The following MCTP2 variants were observed in gnomAD, a reference collection of about 807,000 sequenced individuals.
The protein encoded by MCTP2 is multiple C2 and transmembrane domain containing 2, also known as multiple C2 and transmembrane domain-containing protein 2.
In MCTP2, 132 loss-of-function variants were observed where a neutral mutation model predicts 111.6. The ratio of observed to expected loss-of-function variants is 1.18; its 90% confidence interval spans 1.03 to 1.37. The LOEUF is 1.37. Among genes scored for constraint, MCTP2 ranks in the 40% most tolerant of loss-of-function variants. The pLI, the probability that MCTP2 is intolerant of heterozygous loss-of-function variation, is 0.00. For synonymous variants in MCTP2, 395 were observed against 387.7 expected, an observed-to-expected ratio of 1.02 and a Z score of -0.22; for missense variants, 1,183 against 1,067.9, an observed-to-expected ratio of 1.11 and a Z score of -1.50.
intron 20 of MCTP2, among the ~76,000 whole-genome samples, chr15:94,459,182 GATTA>G (rs1454868824): frequency 6.6e-6 from 1 of 152,006 alleles, no homozygotes; most frequent in African/African-American, 2.4e-5. Flanking sequence ...TCTTTCTAAG[GATTA>G]ATTCTTACTT....
At chr15:94,231,857 G>C (rs1046242667) in intron 1 of MCTP2, 193 bp downstream of exon 1, 3 of 152,550 alleles carry the variant, frequency 2.0e-5, no homozygotes, top group Non-Finnish European at 4.4e-5. Context: ...GAGGACTGGA[G>C]GCAGAAATCC....
chr15:94,241,049 G>A (rs1006169506), intron 1 of MCTP2, among the ~76,000 whole-genome samples: 6 of 152,064 alleles, frequency 3.9e-5, no homozygotes, highest in Non-Finnish European at 7.4e-5. Flanking sequence ...TGGATGTTTT[G>A]GTTATCGTGG....
chr15:94,329,683 C>A (rs780605893), intron 4 of MCTP2, among the ~76,000 whole-genome samples: 2 of 152,140 alleles, frequency 1.3e-5, no homozygotes, highest in Non-Finnish European at 2.9e-5. Context: ...CCACCTCCAA[C>A]ATTAGGGATT....
At chr15:94,440,375 A>G (rs2152510115) in intron 18 of MCTP2, 77 bp downstream of exon 18, 1 of 1,573,308 alleles carries the variant, frequency 6.4e-7, no homozygotes, top group Non-Finnish European at 8.7e-7. Context: ...CCACCAAATC[A>G]TGGCCCAAGT....
intron 11 of MCTP2, among the ~76,000 whole-genome samples, chr15:94,368,791 C>T (rs1240311598): frequency 6.6e-6 from 1 of 152,106 alleles, no homozygotes; most frequent in African/African-American, 2.4e-5. Flanking sequence ...GATAAGTTGA[C>T]AAATTTACCA....
rs527434097 is a variant in MCTP2, at chr15:94,328,006, G to A, written c.638-11284G>A. Among the ~76,000 whole-genome samples the A allele has an allele frequency of 5.9e-5, 9 of 152,220 alleles. No individual in the cohort carries two copies. In the South Asian group the frequency reaches 6.2e-4, roughly 11 times the overall value. ...TTGGGATGTTTTCTATTCCTGCTGC[G>A]TGTAAGAAAATTGCCTTACACCCAA... On this transcript the variant is annotated intron_variant, in intron 4 of 22. Coordinates refer to ENST00000357742, the MANE Select transcript of MCTP2 (RefSeq NM_001385001.1).
intron 21 of MCTP2, among the ~76,000 whole-genome samples, chr15:94,473,098 AG>A (rs1399808343): frequency 1.3e-5 from 2 of 152,078 alleles, no homozygotes; most frequent in Non-Finnish European, 2.9e-5. Context: ...TATATATACT[AG>A]ATTTCCATAT....
chr15:94,404,119 C>T (rs2081766078), intron 17 of MCTP2, among the ~76,000 whole-genome samples: 1 of 152,072 alleles, frequency 6.6e-6, no homozygotes, highest in Non-Finnish European at 1.5e-5. Context: ...AATACCGCAG[C>T]CATAACGTGG....
chr15:94,315,439 T>C (rs745465469), intron 3 of MCTP2, 90 bp from the exon 4 acceptor site: 71 of 920,334 alleles, frequency 7.7e-5, no homozygotes, highest in Non-Finnish European at 1.1e-4. Flanking sequence ...GTGGCCTTTC[T>C]TTTTTCCCTC....
At chr15:94,274,605 TAAA>T (rs1001566544) in intron 1 of MCTP2, among the ~76,000 whole-genome samples, 1 of 152,060 alleles carries the variant, frequency 6.6e-6, no homozygotes, top group Non-Finnish European at 1.5e-5. Flanking sequence ...TCCAATAAGC[TAAA>T]TACTTTAACA....
chr15:94,427,674 A>C (rs561465780), intron 17 of MCTP2, among the ~76,000 whole-genome samples: 1 of 152,308 alleles, frequency 6.6e-6, no homozygotes, highest in East Asian at 1.9e-4. Flanking sequence ...CACAGAGCCA[A>C]ACCATATCAA....
At chr15:94,290,055 A>G (rs956631446) in intron 1 of MCTP2, among the ~76,000 whole-genome samples, 3 of 152,106 alleles carry the variant, frequency 2.0e-5, no homozygotes, top group Admixed American at 1.3e-4. Context: ...TCCTTAGCTG[A>G]CTGATCAGCT....
At chr15:94,268,615 A>G (rs2073732948) in intron 1 of MCTP2, among the ~76,000 whole-genome samples, 1 of 152,076 alleles carries the variant, frequency 6.6e-6, no homozygotes, top group South Asian at 2.1e-4. Flanking sequence ...TTAACACCTC[A>G]TTAAATACCG....
intron 8 of MCTP2, among the ~76,000 whole-genome samples, chr15:94,353,540 G>T (rs1372990642): frequency 6.6e-6 from 1 of 152,234 alleles, no homozygotes; most frequent in African/African-American, 2.4e-5. Flanking sequence ...TTTCATGGAA[G>T]TGCTGCCATT....
At chr15:94,407,372 G>A (rs1157703732) in intron 17 of MCTP2, among the ~76,000 whole-genome samples, 1 of 152,050 alleles carries the variant, frequency 6.6e-6, no homozygotes, top group Non-Finnish European at 1.5e-5. Context: ...AAGTTTGTGG[G>A]GCATTGATGG....
intron 14 of MCTP2, among the ~76,000 whole-genome samples, chr15:94,398,117 T>A (rs1022609112): frequency 1.3e-5 from 2 of 152,218 alleles, no homozygotes; most frequent in African/African-American, 4.8e-5. Context: ...TGTATGGAAC[T>A]GATGCAACAT....
chr15:94,243,528 CAT>C (rs2071296023), intron 1 of MCTP2, among the ~76,000 whole-genome samples: 2 of 129,618 alleles, frequency 1.5e-5, no homozygotes, highest in African/African-American at 5.6e-5. Flanking sequence ...TATGTACACA[CAT>C]ACGTATGCGT....
At chr15:94,442,998 C>G in intron 19 of MCTP2, 38 bp downstream of exon 19, 1 of 1,575,210 alleles carries the variant, frequency 6.3e-7, no homozygotes, top group South Asian at 1.1e-5. Flanking sequence ...CAAAAAAACA[C>G]TAGTGTTGTC....
chr15:94,265,438 CACTCT>C (rs551905371), intron 1 of MCTP2, among the ~76,000 whole-genome samples: 5 of 152,146 alleles, frequency 3.3e-5, no homozygotes, highest in Admixed American at 6.5e-5. Flanking sequence ...TGGTTCATGG[CACTCT>C]ATTATTAAAT....
Sources: gnomAD v4.1 joint callset for allele counts (sites outside exome capture counted in the v4.1 genomes callset) on GRCh38, gnomAD v4.1.1 for gene constraint, MANE v1.5 for transcripts, NCBI Gene and HGNC (gene_info 2026-07-23, HGNC 2026-07-21) for gene names.